Variants in AGBL4 observed in about 807,000 individuals in gnomAD.
The protein encoded by AGBL4 is AGBL carboxypeptidase 4.
A neutral mutation model predicts 66.4 loss-of-function variants in AGBL4; 58 were observed. The observed-to-expected ratio is 0.87, with a 90% confidence interval of 0.71 to 1.09. The LOEUF is 1.09. Ranked by LOEUF, AGBL4 falls within the 50% of genes least tolerant of loss-of-function variation. The pLI, the probability that AGBL4 is intolerant of heterozygous loss-of-function variation, is 0.00. For synonymous variants in AGBL4, 234 were observed against 222.9 expected, an observed-to-expected ratio of 1.05 and a Z score of -0.44; for missense variants, 579 against 631.0, an observed-to-expected ratio of 0.92 and a Z score of 0.88.
chr1:49,271,637 T>C (rs1427205183), intron 3 of AGBL4, among the ~76,000 whole-genome samples: 2 of 152,142 alleles, frequency 1.3e-5, no homozygotes, highest in African/African-American at 4.8e-5. Context: ...AAAACCCTTT[T>C]TAAATTATGT....
chr1:48,721,018 G>C (rs1431803404), intron 6 of AGBL4, among the ~76,000 whole-genome samples: 1 of 150,660 alleles, frequency 6.6e-6, no homozygotes, highest in African/African-American at 2.4e-5. Context: ...GGATGAGTTA[G>C]AGCCCCAGAC....
rs184686935 is a variant in AGBL4, at chr1:48,710,065, G to T, written c.635-46824C>A. ...AAGGTCAAATAGCTCCTAGGGTGAT[G>T]AAGACAGCATTCAAGTCTCCAACAG... On this transcript the variant is annotated intron_variant, in intron 6 of 13. Transcript: ENST00000371839. Among the ~76,000 whole-genome samples, 391 of 152,314 alleles carry T rather than the reference G, an allele frequency of 2.6e-3. 4 individuals are homozygous for T. The highest frequency in any genetic ancestry group is 9.1e-3 in the African/African-American group (377 of 41,548).
intron 1 of AGBL4, among the ~76,000 whole-genome samples, chr1:49,941,957 A>G (rs896852391): frequency 2.6e-5 from 4 of 152,124 alleles, no homozygotes; most frequent in African/African-American, 9.6e-5. Context: ...TCTTTTACAT[A>G]GAAAACCCTT....
chr1:48,706,762 G>A (rs564615922), intron 6 of AGBL4, among the ~76,000 whole-genome samples: 1 of 152,360 alleles, frequency 6.6e-6, no homozygotes, highest in South Asian at 2.1e-4. Flanking sequence ...TAAATGATGA[G>A]TGCATTAATA....
intron 6 of AGBL4, among the ~76,000 whole-genome samples, chr1:48,808,677 GC>G (rs1645984396): frequency 6.6e-6 from 1 of 152,194 alleles, no homozygotes. Flanking sequence ...TTAATACTGA[GC>G]CTGGTAATTA....
At position 49,615,278 on chromosome 1, in the gene AGBL4, T is replaced by C. The variant is rs574390493; in HGVS notation, c.282+82035A>G. 5.9e-5 allele frequency among the ~76,000 whole-genome samples: 9 copies of C among 152,268 alleles called. No individual in the cohort carries two copies. In the South Asian group the frequency reaches 1.9e-3, roughly 32 times the overall value. On this transcript the variant is annotated intron_variant, in intron 3 of 13. Transcript: ENST00000371839. ...TGATGACAAGGTCATGGAACTTGTC[T>C]ATATGCTAGAACAGAAAACTCAGCT...
intron 6 of AGBL4, among the ~76,000 whole-genome samples, chr1:48,787,497 G>T (rs1291283286): frequency 6.6e-6 from 1 of 152,018 alleles, no homozygotes; most frequent in Non-Finnish European, 1.5e-5. Flanking sequence ...GTAGCACAAA[G>T]GAATACTTAT....
chr1:49,373,880 T>C (rs560341070), intron 3 of AGBL4, among the ~76,000 whole-genome samples: 38 of 152,256 alleles, frequency 2.5e-4, no homozygotes, highest in African/African-American at 7.2e-4. Flanking sequence ...TGATGACAAG[T>C]GGCCCGGTAT....
intron 9 of AGBL4, 105 bp from the exon 10 acceptor site, chr1:48,591,090 A>ACCCCCCCC (rs151241264): frequency 2.0e-6 from 1 of 505,176 alleles, no homozygotes; most frequent in Non-Finnish European, 3.0e-6. Context: ...ACACCCACCC[A>ACCCCCCCC]CCCCCCCCCA....
chr1:49,301,182 G>T, intron 3 of AGBL4, among the ~76,000 whole-genome samples: 1 of 152,188 alleles, frequency 6.6e-6, no homozygotes, highest in East Asian at 1.9e-4. Flanking sequence ...CATCATTTCA[G>T]CTAGGAGCTA....
chr1:49,609,551 G>A (rs573442322), intron 3 of AGBL4, among the ~76,000 whole-genome samples: 1 of 152,270 alleles, frequency 6.6e-6, no homozygotes, highest in African/African-American at 2.4e-5. Flanking sequence ...GACAACCTAA[G>A]ATTGAGTCAT....
In AGBL4 at chr1:48,854,375, A is replaced by G. The variant is rs117129697; in HGVS notation, c.634+12816T>C. 1.8e-3 allele frequency among the ~76,000 whole-genome samples: 269 copies of G among 152,308 alleles called. 6 individuals are homozygous for G. The East Asian group carries it at 0.049, about 27-fold the overall frequency. The stretch of plus-strand genomic sequence containing the variant: ...GGTCACTGGTATGGGTCTGGCTTTA[A>G]TCAGAAAAGCCCTCCTTAGGTCCAA... On this transcript the variant is annotated intron_variant, in intron 6 of 13. Transcript: ENST00000371839.
At chr1:49,497,251 A>G (rs1647684499) in intron 3 of AGBL4, among the ~76,000 whole-genome samples, 1 of 152,020 alleles carries the variant, frequency 6.6e-6, no homozygotes, top group African/African-American at 2.4e-5. Flanking sequence ...AGTTCCTTAC[A>G]TATTTTGAAT....
chr1:49,910,795 G>A (rs1268425410), intron 1 of AGBL4, among the ~76,000 whole-genome samples: 2 of 152,150 alleles, frequency 1.3e-5, no homozygotes, highest in African/African-American at 4.8e-5. Flanking sequence ...AGGCAACACG[G>A]TGAAAACCCG....
intron 11 of AGBL4, among the ~76,000 whole-genome samples, chr1:48,580,908 C>T (rs951691288): frequency 3.9e-5 from 6 of 152,116 alleles, no homozygotes; most frequent in African/African-American, 1.4e-4. Flanking sequence ...TGGGTTCTCC[C>T]CTGTACTTCT....
chr1:49,725,891 G>T (rs1648992152), intron 2 of AGBL4, among the ~76,000 whole-genome samples: 1 of 151,816 alleles, frequency 6.6e-6, no homozygotes, highest in South Asian at 2.1e-4. Context: ...ATAAATATTT[G>T]CTGAATAATA....
chr1:49,310,920 A>G (rs1391795333), intron 3 of AGBL4, among the ~76,000 whole-genome samples: 1 of 152,070 alleles, frequency 6.6e-6, no homozygotes, highest in Non-Finnish European at 1.5e-5. Context: ...AAAGCCATAT[A>G]GTGCATAAGT....
intron 2 of AGBL4, among the ~76,000 whole-genome samples, chr1:49,826,549 A>G (rs763168616): frequency 1.2e-4 from 18 of 152,262 alleles, no homozygotes; most frequent in Non-Finnish European, 2.5e-4. Context: ...GAACCATATC[A>G]GGTTTTCATG....
chr1:49,214,170 T>C (rs917727715), intron 4 of AGBL4, among the ~76,000 whole-genome samples: 1 of 152,086 alleles, frequency 6.6e-6, no homozygotes, highest in Non-Finnish European at 1.5e-5. Flanking sequence ...GTCTAGCCCA[T>C]GGTAGGTAGG....
Sources: allele counts gnomAD v4.1 joint callset (sites outside exome capture counted in the v4.1 genomes callset), GRCh38; gene constraint gnomAD v4.1.1; transcripts MANE v1.5; gene names NCBI Gene and HGNC (gene_info 2026-07-23, HGNC 2026-07-21).